SFMBT2: variants seen among roughly 807,000 people sequenced by gnomAD.
SFMBT2 encodes the protein scm-like with four MBT domains protein 2.
Under a neutral mutation model 110.1 loss-of-function variants are expected in SFMBT2, and 38 were observed. That is an observed-to-expected ratio of 0.35 (90% CI 0.27 to 0.45). The LOEUF is 0.45. SFMBT2 is among the 20% of genes least tolerant of loss of function. The pLI, the probability that SFMBT2 is intolerant of heterozygous loss-of-function variation, is 1.00. For synonymous variants in SFMBT2, 425 were observed against 425.4 expected (o/e 1.00, Z 0.01); for missense variants, 1,011 against 1,094.9 (o/e 0.92, Z 1.08).
intron 4 of SFMBT2, among the ~76,000 whole-genome samples, chr10:7,334,284 A>C (rs1588457775): frequency 6.6e-6 from 1 of 151,436 alleles, no homozygotes; most frequent in Non-Finnish European, 1.5e-5. Flanking sequence ...CACCCCCTCC[A>C]CCTTCCCAGT....
chr10:7,345,411 T>G (rs1386242064), intron 4 of SFMBT2, among the ~76,000 whole-genome samples: 1 of 152,208 alleles, frequency 6.6e-6, no homozygotes, highest in Non-Finnish European at 1.5e-5. Context: ...CAGGCTAGAG[T>G]GCAGTGGCAG....
intron 1 of SFMBT2, among the ~76,000 whole-genome samples, chr10:7,392,518 G>GA (rs974228567): frequency 3.0e-4 from 43 of 144,782 alleles, no homozygotes; most frequent in Middle Eastern, 3.7e-3. Context: ...CGTCTCAAAG[G>GA]AAAAAAAAAA....
chr10:7,395,236 G>T (rs1013909922), intron 1 of SFMBT2, among the ~76,000 whole-genome samples: 1 of 152,182 alleles, frequency 6.6e-6, no homozygotes, highest in Non-Finnish European at 1.5e-5. Context: ...GCAGTGAGCA[G>T]CCACTGCACT....
chr10:7,239,694 G>C (rs1477928786), intron 9 of SFMBT2, among the ~76,000 whole-genome samples: 1 of 152,140 alleles, frequency 6.6e-6, no homozygotes, highest in Admixed American at 6.5e-5. Context: ...TGACTGCTTT[G>C]ATATATTGAC....
chr10:7,210,087 A>G (rs1839288462), intron 11 of SFMBT2, among the ~76,000 whole-genome samples: 1 of 151,948 alleles, frequency 6.6e-6, no homozygotes, highest in South Asian at 2.1e-4. Context: ...ATCCCTTTGG[A>G]ACCTTAAAGA....
chr10:7,358,410 A>ACATGGCCCTAGAACATCTG (rs1353028307), intron 4 of SFMBT2, among the ~76,000 whole-genome samples: 2 of 134,290 alleles, frequency 1.5e-5, no homozygotes, highest in African/African-American at 2.9e-5. Context: ...TGTGACATCA[A>ACATGGCCCTAGAACATCTG]CATGGCCCTA....
intron 4 of SFMBT2, among the ~76,000 whole-genome samples, chr10:7,310,132 A>G (rs1842809013): frequency 6.6e-6 from 1 of 152,228 alleles, no homozygotes; most frequent in African/African-American, 2.4e-5. Flanking sequence ...GTTGGGAACC[A>G]CTGGTTTAGA....
intron 1 of SFMBT2, among the ~76,000 whole-genome samples, chr10:7,382,984 C>T (rs564231805): frequency 1.3e-5 from 2 of 152,298 alleles, no homozygotes; most frequent in Non-Finnish European, 2.9e-5. Flanking sequence ...TGCTCAGACA[C>T]AGCTCACATG....
intron 4 of SFMBT2, among the ~76,000 whole-genome samples, chr10:7,306,624 T>C (rs1386825332): frequency 6.6e-6 from 1 of 151,906 alleles, no homozygotes; most frequent in Non-Finnish European, 1.5e-5. Context: ...ATATCTATAA[T>C]TCATCAAATC....
intron 4 of SFMBT2, among the ~76,000 whole-genome samples, chr10:7,346,182 T>C (rs944773114): frequency 1.3e-5 from 2 of 152,242 alleles, no homozygotes; most frequent in Non-Finnish European, 2.9e-5. Context: ...ATTTTTGCTC[T>C]TATCCCCTTG....
At chr10:7,346,275 T>C (rs566787809) in intron 4 of SFMBT2, among the ~76,000 whole-genome samples, 14 of 152,352 alleles carry the variant, frequency 9.2e-5, no homozygotes, top group African/African-American at 3.4e-4. Flanking sequence ...TAGACACTTG[T>C]AGGATCTTTC....
chr10:7,357,870 C>T (rs1198194630), intron 4 of SFMBT2, among the ~76,000 whole-genome samples: 2 of 151,982 alleles, frequency 1.3e-5, no homozygotes, highest in African/African-American at 4.8e-5. Context: ...GTTGGAGGCA[C>T]GACCGTTGGT....
At chr10:7,331,124 C>A (rs751261390) in intron 4 of SFMBT2, among the ~76,000 whole-genome samples, 1 of 152,244 alleles carries the variant, frequency 6.6e-6, no homozygotes, top group African/African-American at 2.4e-5. Context: ...TGACACAAGT[C>A]CTCCAGCCTA....
At chr10:7,390,602 C>A (rs1184667717) in intron 1 of SFMBT2, among the ~76,000 whole-genome samples, 1 of 151,830 alleles carries the variant, frequency 6.6e-6, no homozygotes, top group East Asian at 1.9e-4. Flanking sequence ...TAGTCATGTA[C>A]CAAGTTTTTC....
intron 15 of SFMBT2, among the ~76,000 whole-genome samples, chr10:7,197,173 T>G (rs959301341): frequency 5.3e-5 from 8 of 152,128 alleles, no homozygotes; most frequent in African/African-American, 1.9e-4. Context: ...TGCTGCCTCA[T>G]GAAGTCCTCT....
At chr10:7,178,519 C>T (rs1041877012) in intron 16 of SFMBT2, among the ~76,000 whole-genome samples, 5 of 152,112 alleles carry the variant, frequency 3.3e-5, no homozygotes, top group Admixed American at 1.3e-4. Context: ...TTTCCTTAAA[C>T]GTAACTATTT....
intron 2 of SFMBT2, among the ~76,000 whole-genome samples, 170 bp downstream of exon 2, chr10:7,381,629 C>A (rs186985032): frequency 1.3e-5 from 2 of 152,300 alleles, no homozygotes; most frequent in Admixed American, 1.3e-4. Context: ...AAATAAGAAT[C>A]TTGACCCAAA....
chr10:7,391,225 T>C (rs1039429136), intron 1 of SFMBT2, among the ~76,000 whole-genome samples: 13 of 151,122 alleles, frequency 8.6e-5, no homozygotes, highest in African/African-American at 2.4e-4. Flanking sequence ...CCCAGCACTT[T>C]GGAAGCCCAA....
At chr10:7,200,971 G>T in intron 13 of SFMBT2, 1 of 456,858 alleles carries the variant, frequency 2.2e-6, no homozygotes, top group Non-Finnish European at 2.9e-6. Flanking sequence ...TCTATAAACT[G>T]GCATATCTTA....
Sources: gnomAD v4.1 joint callset for allele counts (sites outside exome capture counted in the v4.1 genomes callset) on GRCh38, gnomAD v4.1.1 for gene constraint, MANE v1.5 for transcripts, NCBI Gene and HGNC (gene_info 2026-07-23, HGNC 2026-07-21) for gene names.